Variants in GRM2 observed in about 807,000 individuals in gnomAD.
GRM2 encodes the protein metabotropic glutamate receptor 2.
GRM2 carries 35 observed loss-of-function variants against 60.4 expected under a neutral mutation model. The ratio of observed to expected loss-of-function variants is 0.58; its 90% CI spans 0.44 to 0.77. The LOEUF is 0.77. Among genes scored for constraint, GRM2 ranks in the 30% least tolerant of loss-of-function variants. The pLI is 0.00. For missense variants in GRM2, 925 were observed against 1,199.5 expected (o/e 0.77, Z 3.38); for synonymous variants, 437 against 484.1 (o/e 0.90, Z 1.28).
chr3:51,709,534 G>A, intron 2 of GRM2, 101 bp downstream of exon 2: 1 of 820,852 alleles, frequency 1.2e-6, no homozygotes, highest in Non-Finnish European at 1.9e-6. Context: ...TGAATTGGAA[G>A]GGAAACTAGA....
Position 51,715,847 on chromosome 3 carries a change from C to T in GRM2, c.2074C>T (p.Leu692Phe), listed in dbSNP as rs201258235. Residue 692 changes from leucine to phenylalanine, a missense_variant, in exon 4 of 6, where the codon CTC (leucine) becomes TTC (phenylalanine). By Grantham distance (22) the Leu-to-Phe change is conservative. Coordinates refer to ENST00000395052, the MANE Select transcript of GRM2 (RefSeq NM_000839.5). The surrounding 1 kb of genome is among the most constrained non-coding windows in gnomAD (Gnocchi z 9.0). ...ICLALISGQL[L>F]IVVAWLVVEA... ...CCTGGCACTTATCTCGGGCCAGCTG[C>T]TCATCGTGGTCGCCTGGCTGGTGGT... 663 of 1,613,362 alleles carry T rather than the reference C, an allele frequency of 4.1e-4. 4 individuals are homozygous for T. In the East Asian group the frequency reaches 6.1e-3, roughly 15 times the overall value.
At chr3:51,709,501 G>A in intron 2 of GRM2, 68 bp downstream of exon 2, 1 of 1,119,802 alleles carries the variant, frequency 8.9e-7, no homozygotes, top group Non-Finnish European at 1.2e-6. Context: ...AATTCCTGCT[G>A]AAAAGGGGCT....
rs1023630155 is a variant in GRM2, at chr3:51,717,350, C to T, written c.2365-287C>T. Reference sequence around the variant, plus strand: ...AGATATACACACACACCTACATGCACGCACTCCATTCCTGCAGCCCCCAGA... The same window carrying T: ...AGATATACACACACACCTACATGCATGCACTCCATTCCTGCAGCCCCCAGA... On this transcript the variant is annotated intron_variant, in intron 4 of 5. Coordinates refer to ENST00000395052, the MANE Select transcript of GRM2 (RefSeq NM_000839.5). This position sits in a 1 kb window ranked among gnomAD's most constrained non-coding sequence, Gnocchi z 6.0. 6.6e-6 allele frequency among the ~76,000 whole-genome samples: 1 copy of T among 152,148 alleles called. No homozygotes were observed. Among genetic ancestry groups the T allele is most frequent in the Non-Finnish European group, 1.5e-5 (1 of 68,006 alleles).
In GRM2 at chr3:51,716,769, C is replaced by T. The variant is rs1703909344; in HGVS notation, c.2364+632C>T. Among the ~76,000 whole-genome samples the T allele has an allele frequency of 6.6e-6, 1 of 152,174 alleles. No individual in the cohort carries two copies. Among genetic ancestry groups the T allele is most frequent in the Non-Finnish European group, 1.5e-5 (1 of 68,042 alleles). ...AACTTGAGTAAGCTCCATGGCTCTC[C>T]CGTTTTACAGATGAAGAAACAGAGA... On this transcript the variant is annotated intron_variant, in intron 4 of 5. Coordinates refer to ENST00000395052, the MANE Select transcript of GRM2 (RefSeq NM_000839.5). This position sits in a 1 kb window ranked among gnomAD's most constrained non-coding sequence, Gnocchi z 4.0.
intron 2 of GRM2, among the ~76,000 whole-genome samples, chr3:51,710,593 CAG>C (rs75938458): frequency 0.071 from 10,238 of 145,016 alleles, 885 homozygotes; most frequent in East Asian, 0.34. Flanking sequence ...AGGAGAGAAT[CAG>C]GGTAGGGGAG....
chr3:51,713,566 G>T lies in GRM2; in HGVS notation c.1288+256G>T. The T allele has an allele frequency of 2.0e-6, 1 of 487,838 alleles. No homozygotes were observed. Among genetic ancestry groups the T allele is most frequent in the Non-Finnish European group, 3.7e-6 (1 of 273,148 alleles). 30.2% of individuals were successfully genotyped at this position (487,838 alleles called of 1,614,324 possible). ...TTTGAGGGTCTCTGGCTCCTCCTTG[G>T]GCCTTGCCCACTGTCTTCTGTCTCC... On this transcript the variant is annotated intron_variant, in intron 3 of 5. Coordinates refer to ENST00000395052, the MANE Select transcript of GRM2 (RefSeq NM_000839.5). This position sits in a 1 kb window ranked among gnomAD's most constrained non-coding sequence, Gnocchi z 4.8.
At position 51,713,176 on chromosome 3, in the gene GRM2, T is replaced by C. The variant is rs747151575; in HGVS notation, c.1154T>C (p.Val385Ala). ...ESKIMFVVNA[V>A]YAMAHALHNM... ...AAGATCATGTTTGTGGTCAATGCAG[T>C]GTACGCCATGGCCCATGCGCTCCAC... Residue 385 changes from valine to alanine, a missense_variant, in exon 3 of 6, where the codon GTG becomes GCG. Transcript: ENST00000395052. The surrounding 1 kb of genome is among the most constrained non-coding windows in gnomAD (Gnocchi z 4.8). The C allele has an allele frequency of 3.1e-6, 5 of 1,613,162 alleles. No homozygotes were observed. The highest frequency in any genetic ancestry group is 2.5e-6 in the Non-Finnish European group (3 of 1,180,014).
rs573975519 is a variant in GRM2 at position 51,708,954 on chromosome 3, C to G, written c.-30C>G. ...AATCTCATCCCCTGGAGACCCAGGT[C>G]TGCGGGACCCATCCATCCCCTTTGG... On this transcript the variant is annotated 5_prime_UTR_variant, in exon 2 of 6. Transcript: ENST00000395052. 2 of 1,512,062 alleles carry G rather than the reference C, an allele frequency of 1.3e-6. No homozygotes were observed. Among genetic ancestry groups the G allele is most frequent in the Non-Finnish European group, 1.8e-6 (2 of 1,121,810 alleles). 93.7% of individuals were successfully genotyped at this position (1,512,062 alleles called of 1,614,324 possible).
rs141459351 is a variant in GRM2, at chr3:51,712,765, C to T, written c.743C>T (p.Ala248Val). 4,011 of 1,613,348 alleles carry T rather than the reference C, an allele frequency of 2.5e-3. 10 individuals carry two copies. Among genetic ancestry groups the T allele is most frequent in the Non-Finnish European group, 2.8e-3 (3,314 of 1,180,036 alleles). Residue 248 changes from alanine (A) to valine (V), a missense_variant, in exon 3 of 6, where the codon GCG becomes GTG. Coordinates refer to ENST00000395052, the MANE Select transcript of GRM2 (RefSeq NM_000839.5). The surrounding 1 kb of genome is among the most constrained non-coding windows in gnomAD (Gnocchi z 5.3). ...SEKVGRAMSR[A>V]AFEGVVRALL... Reference sequence around the variant, plus strand: ...AAAGTGGGCCGTGCCATGAGCCGCGCGGCCTTTGAGGGTGTGGTGCGAGCC... The same window carrying T: ...AAAGTGGGCCGTGCCATGAGCCGCGTGGCCTTTGAGGGTGTGGTGCGAGCC...
At position 51,715,760 on chromosome 3, in the gene GRM2, G is replaced by A. The variant is rs370399429; in HGVS notation, c.1987G>A (p.Gly663Arg). ...KTNRIARIFG[G>R]AREGAQRPRF... The stretch of plus-strand genomic sequence containing the variant: ...CAACCGCATTGCACGCATCTTCGGT[G>A]GGGCCCGGGAGGGTGCCCAGCGGCC... The change falls in exon 4 of 6, where the codon GGG (glycine) becomes AGG (arginine). Residue 663 changes from glycine to arginine, a missense_variant. By Grantham distance (125) the Gly-to-Arg change is moderately radical. Transcript: ENST00000395052. This position sits in a 1 kb window ranked among gnomAD's most constrained non-coding sequence, Gnocchi z 9.0. 6.2e-7 allele frequency: 1 copy of A among 1,613,654 alleles called. No homozygotes were observed. The highest frequency in any genetic ancestry group is 1.3e-5 in the African/African-American group (1 of 74,936).
At position 51,717,484 on chromosome 3, in the gene GRM2, T is replaced by G. The variant is rs1703944419; in HGVS notation, c.2365-153T>G. On this transcript the variant is annotated intron_variant, in intron 4 of 5. Transcript: ENST00000395052. This position sits in a 1 kb window ranked among gnomAD's most constrained non-coding sequence, Gnocchi z 6.0. ...GTCTGATGCTGGGACTGTGCCCAAT[T>G]TTCCTAGCAATGCTTTGGGATCCGG... Among the ~76,000 whole-genome samples the G allele has an allele frequency of 6.6e-6, 1 of 152,144 alleles. No individual in the cohort carries two copies. Among genetic ancestry groups the G allele is most frequent in the South Asian group, 2.1e-4 (1 of 4,828 alleles).
chr3:51,715,383 G>A lies in GRM2; in HGVS notation c.1610G>A (p.Cys537Tyr), dbSNP rs1283338456. The A allele has an allele frequency of 1.2e-6, 2 of 1,613,662 alleles. No homozygotes were observed. Among genetic ancestry groups the A allele is most frequent in the Non-Finnish European group, 1.7e-6 (2 of 1,180,042 alleles). Reference protein sequence around the residue: ...PYEYRLDEFTCADCGLGYWPN... With the variant: ...PYEYRLDEFTYADCGLGYWPN... ...GAGTACCGATTGGACGAATTCACTT[G>A]CGCTGATTGTGGCCTGGGCTACTGG... The change falls in exon 4 of 6, where the codon TGC becomes TAC. Residue 537 changes from cysteine (C) to tyrosine (Y), a missense_variant. By Grantham distance (194) the Cys-to-Tyr change is radical (BLOSUM62 -2). Transcript: ENST00000395052. The surrounding 1 kb of genome is among the most constrained non-coding windows in gnomAD (Gnocchi z 9.0).
In GRM2 at chr3:51,715,027, G is replaced by A. The variant is rs1325234029; in HGVS notation, c.1289-35G>A. On this transcript the variant is annotated intron_variant, in intron 3 of 5. Coordinates refer to ENST00000395052, the MANE Select transcript of GRM2 (RefSeq NM_000839.5). The surrounding 1 kb of genome is among the most constrained non-coding windows in gnomAD (Gnocchi z 9.0). ...GAGGTCACATCAGGGTAACACACTA[G>A]TCCAACCTTCTCTTCCTTCCCTCCC... 3 of 1,370,850 alleles carry A rather than the reference G, an allele frequency of 2.2e-6. No individual in the cohort carries two copies. Among genetic ancestry groups the A allele is most frequent in the African/African-American group, 1.4e-5 (1 of 69,384 alleles). 84.9% of individuals were successfully genotyped at this position (1,370,850 alleles called of 1,614,324 possible).
chr3:51,711,286 G>T (rs925727893), intron 2 of GRM2: 4 of 152,344 alleles, frequency 2.6e-5, no homozygotes, highest in African/African-American at 7.2e-5. Flanking sequence ...GGCTGTGCTA[G>T]CATCTATTTC....
intron 3 of GRM2, chr3:51,714,677 G>C (rs1471248859): frequency 5.0e-5 from 9 of 178,224 alleles, no homozygotes; most frequent in Non-Finnish European, 1.0e-4. Flanking sequence ...TTTGGGGAGA[G>C]GGCTGTAGTG....
rs996719650 is a variant in GRM2 at position 51,718,463 on chromosome 3, C to T, written c.*351C>T. The T allele has an allele frequency of 1.9e-5, 5 of 264,092 alleles. No individual in the cohort carries two copies. Among genetic ancestry groups the T allele is most frequent in the South Asian group, 7.9e-5 (1 of 12,648 alleles). The allele number at this position is 264,092 out of a possible 1,614,324, so 16.4% of individuals were successfully genotyped here. ...CAAAGGTGCTTCCAGCCCAGCCCCT[C>T]CCCCCAACTAGGGCCTTTTTTATTT... On this transcript the variant is annotated 3_prime_UTR_variant, in exon 6 of 6. Transcript: ENST00000395052. The surrounding 1 kb of genome is among the most constrained non-coding windows in gnomAD (Gnocchi z 4.2).
intron 2 of GRM2, among the ~76,000 whole-genome samples, chr3:51,710,051 G>T (rs1423548866): frequency 1.3e-5 from 2 of 150,904 alleles, no homozygotes; most frequent in African/African-American, 4.9e-5. Context: ...GTGCAGTGGT[G>T]AGATCTCAGC....
chr3:51,709,697 TC>T (rs1703630899), intron 2 of GRM2, among the ~76,000 whole-genome samples: 1 of 3,104 alleles, frequency 3.2e-4, no homozygotes, highest in African/African-American at 1.5e-3. Context: ...CCACACACCC[TC>T]ACACACACAC....
rs1703930564 is a variant in GRM2 at position 51,717,162 on chromosome 3, G to A, written c.2365-475G>A. On this transcript the variant is annotated intron_variant, in intron 4 of 5. Coordinates refer to ENST00000395052, the MANE Select transcript of GRM2 (RefSeq NM_000839.5). This position sits in a 1 kb window ranked among gnomAD's most constrained non-coding sequence, Gnocchi z 6.0. ...CTTGTACACACAGACATAGCCACAT[G>A]CATGCATGCACACACACATATCCCA... Among the ~76,000 whole-genome samples the A allele has an allele frequency of 6.6e-6, 1 of 151,194 alleles. No homozygotes were observed. Among genetic ancestry groups the A allele is most frequent in the Admixed American group, 6.6e-5 (1 of 15,190 alleles).
Sources: allele counts gnomAD v4.1 joint callset (sites outside exome capture counted in the v4.1 genomes callset), GRCh38; gene constraint gnomAD v4.1.1; non-coding constraint Gnocchi (gnomAD v3.1); transcripts MANE v1.5; gene names NCBI Gene and HGNC (gene_info 2026-07-23, HGNC 2026-07-21).